The following PLEKHA5 variants were observed in gnomAD, a reference collection of about 807,000 sequenced individuals.
PLEKHA5 encodes the protein pleckstrin homology domain containing A5, also known as pleckstrin homology domain-containing family A member 5.
PLEKHA5 carries 55 observed loss-of-function variants against 181.9 expected under a neutral mutation model. That is an observed-to-expected ratio of 0.30 (90% CI 0.24 to 0.38). The LOEUF (loss-of-function observed/expected upper bound fraction) is 0.38, where lower values mean the gene tolerates loss of function less well. Among genes scored for constraint, PLEKHA5 ranks in the 10% least tolerant of loss-of-function variants. PLEKHA5 has a pLI of 1.00. For synonymous variants in PLEKHA5, 535 were observed against 529.4 expected (o/e 1.01, Z -0.15); for missense variants, 1,432 against 1,549.5 (o/e 0.92, Z 1.27).
At chr12:19,167,555 A>G (rs2044770472) in intron 3 of PLEKHA5, among the ~76,000 whole-genome samples, 2 of 150,990 alleles carry the variant, frequency 1.3e-5, no homozygotes, top group Admixed American at 1.3e-4. Flanking sequence ...AACCTGTGTT[A>G]TCCACATTTT....
intron 7 of PLEKHA5, among the ~76,000 whole-genome samples, chr12:19,262,390 C>T (rs2068781855): frequency 6.6e-6 from 1 of 151,994 alleles, no homozygotes; most frequent in Non-Finnish European, 1.5e-5. Context: ...CGCGCCACCA[C>T]ACTTGGCTAA....
rs763280133 is a variant in PLEKHA5 at position 19,255,082 on chromosome 12, C to T, written c.349C>T (p.Arg117Trp). 2.6e-5 allele frequency: 42 copies of T among 1,607,670 alleles called. No individual in the cohort carries two copies. The highest frequency in any genetic ancestry group is 3.3e-4 in the Middle Eastern group (2 of 6,058). Residue 117 changes from arginine to tryptophan, a missense_variant, in exon 5 of 32, where the codon CGG becomes TGG. Physicochemically the swap from Arg to Trp is moderately radical, Grantham distance 101. This residue lies in a region of PLEKHA5 where 289 missense variants were observed against 381.1 expected (regional missense o/e 0.76). Coordinates refer to ENST00000429027, the MANE Select transcript of PLEKHA5 (RefSeq NM_001256470.2). ...CATGACATCTGAAGAAAAGAAGGAA[C>T]GGCCAATAAGTATGATAAATGAAGC... ...ATMTSEEKKE[R>W]PISMINEASN...
In PLEKHA5 at chr12:19,146,060, G is replaced by C. The variant is rs569466303; in HGVS notation, c.227+13610G>C. On this transcript the variant is annotated intron_variant, in intron 3 of 31. Transcript: ENST00000429027. ...ATACATTCACTTCTTAAACTCCTCT[G>C]AGAATTAGGGTTGGCCAAATCATTG... is the stretch of plus-strand genomic sequence containing the variant. 6.6e-5 allele frequency among the ~76,000 whole-genome samples: 10 copies of C among 152,318 alleles called. 1 individual carries two copies. Among genetic ancestry groups the C allele is most frequent in the African/African-American group, 2.2e-4 (9 of 41,576 alleles).
At chr12:19,223,629 T>C (rs2059299916) in intron 3 of PLEKHA5, among the ~76,000 whole-genome samples, 2 of 152,160 alleles carry the variant, frequency 1.3e-5, no homozygotes, top group South Asian at 2.1e-4. Context: ...ATAAACAAAT[T>C]TGGGCATTTG....
intron 10 of PLEKHA5, among the ~76,000 whole-genome samples, chr12:19,271,601 T>TA (rs2072810946): frequency 6.6e-6 from 1 of 152,238 alleles, no homozygotes; most frequent in Admixed American, 6.5e-5. Flanking sequence ...TTAAAATATT[T>TA]ATGTCCAAAT....
chr12:19,186,334 C>T (rs975392173), intron 3 of PLEKHA5, among the ~76,000 whole-genome samples: 5 of 152,164 alleles, frequency 3.3e-5, no homozygotes, highest in Non-Finnish European at 7.3e-5. Flanking sequence ...GACATTGTCA[C>T]ATCTGCAGTC....
intron 15 of PLEKHA5, among the ~76,000 whole-genome samples, chr12:19,314,151 A>G (rs2087640111): frequency 6.6e-6 from 1 of 152,190 alleles, no homozygotes; most frequent in Non-Finnish European, 1.5e-5. Context: ...AGTACAACAT[A>G]GCTGGAAATG....
chr12:19,290,313 A>G (rs1453154056), intron 13 of PLEKHA5, among the ~76,000 whole-genome samples: 1 of 152,116 alleles, frequency 6.6e-6, no homozygotes, highest in Non-Finnish European at 1.5e-5. Context: ...AAAAGGTGTA[A>G]TTTTTTTAGA....
intron 3 of PLEKHA5, chr12:19,154,505 G>A (rs980181076): frequency 4.6e-5 from 7 of 152,112 alleles, no homozygotes; most frequent in African/African-American, 1.7e-4. Context: ...AACTGGAATA[G>A]ATTTCAGTAT....
chr12:19,287,702 G>T, intron 13 of PLEKHA5, 146 bp downstream of exon 13: 1 of 604,540 alleles, frequency 1.7e-6, no homozygotes, highest in Non-Finnish European at 2.9e-6. Context: ...ATGCTCATCA[G>T]AATTTGAAAT....
intron 11 of PLEKHA5, among the ~76,000 whole-genome samples, chr12:19,279,638 C>T (rs79337077): frequency 0.039 from 5,909 of 149,996 alleles, 232 homozygotes; most frequent in East Asian, 0.18. Context: ...CCAGCCTGGA[C>T]GACAGAGTGA....
chr12:19,280,615 G>T (rs183589914), intron 11 of PLEKHA5, among the ~76,000 whole-genome samples: 102 of 152,220 alleles, frequency 6.7e-4, no homozygotes, highest in African/African-American at 2.4e-3. Context: ...AGTTTGTGGA[G>T]TCCCAACCCT....
chr12:19,233,614 G>T (rs1001377806), intron 3 of PLEKHA5, among the ~76,000 whole-genome samples: 11 of 152,158 alleles, frequency 7.2e-5, no homozygotes, highest in Non-Finnish European at 1.5e-4. Flanking sequence ...GGTCAAGGCT[G>T]GCACTTTGAA....
At chr12:19,134,719 T>C (rs1424268137) in intron 3 of PLEKHA5, among the ~76,000 whole-genome samples, 1 of 152,186 alleles carries the variant, frequency 6.6e-6, no homozygotes, top group Non-Finnish European at 1.5e-5. Context: ...ACATTATTCA[T>C]TCATGAAGTA....
chr12:19,286,664 A>G (rs1005905830), intron 12 of PLEKHA5, among the ~76,000 whole-genome samples: 7 of 152,136 alleles, frequency 4.6e-5, no homozygotes, highest in Non-Finnish European at 8.8e-5. Flanking sequence ...TCTAAACCAG[A>G]TTTTAGAATT....
At chr12:19,308,896 C>T (rs1461910028) in intron 15 of PLEKHA5, among the ~76,000 whole-genome samples, 1 of 151,258 alleles carries the variant, frequency 6.6e-6, no homozygotes, top group Admixed American at 6.6e-5. Context: ...AAAACACAAA[C>T]GCACACACAC....
At chr12:19,221,963 T>G (rs974266966) in intron 3 of PLEKHA5, among the ~76,000 whole-genome samples, 4 of 152,184 alleles carry the variant, frequency 2.6e-5, no homozygotes, top group Admixed American at 2.0e-4. Flanking sequence ...TTTAGTTAAT[T>G]TTTAAAAATA....
intron 15 of PLEKHA5, chr12:19,307,145 C>A: frequency 1.2e-6 from 1 of 817,636 alleles, no homozygotes; most frequent in Non-Finnish European, 2.1e-6. Flanking sequence ...GGTCTTGTTT[C>A]ACCAAGTCTG....
At chr12:19,277,521 C>T (rs2074923539) in intron 11 of PLEKHA5, among the ~76,000 whole-genome samples, 1 of 152,086 alleles carries the variant, frequency 6.6e-6, no homozygotes, top group East Asian at 1.9e-4. Context: ...CTCTGGGTTC[C>T]TCCTACATTT....
Sources: gnomAD v4.1 joint callset for allele counts (sites outside exome capture counted in the v4.1 genomes callset) on GRCh38, gnomAD v4.1.1 for gene constraint, gnomAD v4.1.1 regional missense constraint, MANE v1.5 for transcripts, NCBI Gene and HGNC (gene_info 2026-07-23, HGNC 2026-07-21) for gene names.